Variants in DCDC2C observed in about 807,000 individuals in gnomAD.
DCDC2C encodes doublecortin domain containing 2C, also known as doublecortin domain-containing protein 2C.
A neutral mutation model predicts 45.0 loss-of-function variants in DCDC2C; 44 were observed. The observed-to-expected ratio is 0.98, with a 90% CI of 0.77 to 1.26. The LOEUF is 1.26. Ranked by LOEUF, DCDC2C falls within the 50% of genes most tolerant of loss-of-function variation. The pLI is 0.00. For synonymous variants in DCDC2C, 187 were observed against 178.8 expected, an observed-to-expected ratio of 1.05 and a Z score of -0.37; for missense variants, 447 against 468.9, an observed-to-expected ratio of 0.95 and a Z score of 0.43.
At chr2:3,764,323 A>G (rs1456274817) in intron 6 of DCDC2C, among the ~76,000 whole-genome samples, 1 of 152,234 alleles carries the variant, frequency 6.6e-6, no homozygotes, top group African/African-American at 2.4e-5. Flanking sequence ...CCATGGAATT[A>G]ACATTTTGTT....
chr2:3,777,977 C>T (rs978483122), intron 8 of DCDC2C, among the ~76,000 whole-genome samples: 3 of 151,908 alleles, frequency 2.0e-5, no homozygotes, highest in Non-Finnish European at 2.9e-5. Flanking sequence ...TTTCCCACAC[C>T]GCATCTTCTC....
intron 9 of DCDC2C, among the ~76,000 whole-genome samples, chr2:3,784,145 A>G (rs1216529706): frequency 6.6e-6 from 1 of 152,210 alleles, no homozygotes; most frequent in Non-Finnish European, 1.5e-5. Context: ...AATCAGATTG[A>G]CAATGTCCAG....
At chr2:3,705,941 C>G (rs1172487846) in intron 1 of DCDC2C, among the ~76,000 whole-genome samples, 2 of 152,144 alleles carry the variant, frequency 1.3e-5, no homozygotes, top group African/African-American at 4.8e-5. Context: ...ATCCATGCAT[C>G]TTCACTGCTG....
chr2:3,709,052 A>G (rs1419353052), intron 2 of DCDC2C, among the ~76,000 whole-genome samples: 1 of 152,230 alleles, frequency 6.6e-6, no homozygotes, highest in Non-Finnish European at 1.5e-5. Flanking sequence ...CACCGTTCTT[A>G]TCATTTGATT....
Position 3,754,350 on chromosome 2 carries a change from G to A in DCDC2C, c.684-242G>A, listed in dbSNP as rs73910359. On this transcript the variant is annotated intron_variant, in intron 5 of 10. Transcript: ENST00000399143. ...CAAAGGCAGCAGGTAGACAGGGGCT[G>A]TTTACTGTGGTAGAAGGAGGATGGG... 5.0e-3 allele frequency among the ~76,000 whole-genome samples: 759 copies of A among 152,332 alleles called. 5 individuals carry two copies. Among genetic ancestry groups the A allele is most frequent in the African/African-American group, 0.017 (687 of 41,578 alleles).
intron 10 of DCDC2C, among the ~76,000 whole-genome samples, chr2:3,798,018 G>T (rs1435275477): frequency 6.6e-6 from 1 of 152,026 alleles, no homozygotes; most frequent in African/African-American, 2.4e-5. Flanking sequence ...TCTCTTTGTA[G>T]GTCACTCAGG....
rs1358275026 is a variant in DCDC2C at position 3,818,358 on chromosome 2, T to A, written c.1066-28796T>A. On this transcript the variant is annotated intron_variant, in intron 10 of 10. Transcript: ENST00000399143. This position sits in a 1 kb window ranked among gnomAD's most constrained non-coding sequence, Gnocchi z 4.7. ...GGCTGGGATGAAGGGTGCAAAGGAA[T>A]AGTAAAGAAAGCATATTTGAGATCC... Among the ~76,000 whole-genome samples, 3 of 152,076 alleles carry A rather than the reference T, an allele frequency of 2.0e-5. No individual in the cohort carries two copies. Among genetic ancestry groups the A allele is most frequent in the Non-Finnish European group, 2.9e-5 (2 of 68,026 alleles).
At chr2:3,806,730 G>A (rs935128149) in intron 10 of DCDC2C, among the ~76,000 whole-genome samples, 5 of 151,638 alleles carry the variant, frequency 3.3e-5, no homozygotes, top group African/African-American at 1.2e-4. Flanking sequence ...TGTATTTTTG[G>A]TAGAGATGGG....
intron 6 of DCDC2C, among the ~76,000 whole-genome samples, chr2:3,758,675 G>A (rs966172938): frequency 3.9e-5 from 6 of 152,162 alleles, no homozygotes; most frequent in African/African-American, 1.4e-4. Flanking sequence ...AGGCAACAAG[G>A]GTTTATGATT....
chr2:3,748,352 G>A (rs997386586), intron 4 of DCDC2C, among the ~76,000 whole-genome samples: 1 of 142,304 alleles, frequency 7.0e-6, no homozygotes, highest in East Asian at 2.2e-4. Flanking sequence ...ATGAGTGAGC[G>A]AGAGATGGGG....
intron 10 of DCDC2C, among the ~76,000 whole-genome samples, chr2:3,834,662 A>C (rs1672032008): frequency 6.6e-6 from 1 of 152,202 alleles, no homozygotes; most frequent in Admixed American, 6.5e-5. Context: ...AACTTAACCT[A>C]GTATTTAAGA....
chr2:3,810,082 G>A (rs1363827240), intron 10 of DCDC2C, among the ~76,000 whole-genome samples: 1 of 152,186 alleles, frequency 6.6e-6, no homozygotes, highest in Admixed American at 6.5e-5. Context: ...ATAGTAGAAT[G>A]ACTTATATTC....
At chr2:3,760,970 C>G (rs1010988651) in intron 6 of DCDC2C, among the ~76,000 whole-genome samples, 1 of 152,134 alleles carries the variant, frequency 6.6e-6, no homozygotes, top group African/African-American at 2.4e-5. Flanking sequence ...TCACTTATTG[C>G]TTGATTCAAA....
chr2:3,800,508 A>G (rs1176442428), intron 10 of DCDC2C, among the ~76,000 whole-genome samples: 1 of 152,216 alleles, frequency 6.6e-6, no homozygotes, highest in African/African-American at 2.4e-5. Context: ...CAGCCCCCCA[A>G]GAATTAGCAA....
At chr2:3,762,162 C>CTTTTTTTTTTTTTT (rs56067833) in intron 6 of DCDC2C, among the ~76,000 whole-genome samples, 1 of 127,668 alleles carries the variant, frequency 7.8e-6, no homozygotes, top group Non-Finnish European at 1.6e-5. Context: ...TTGCTTGAAC[C>CTTTTTTTTTTTTTT]TTTTTTTTTT....
chr2:3,778,938 T>TTTGGTGG, intron 9 of DCDC2C, 54 bp downstream of exon 9: 1 of 1,489,998 alleles, frequency 6.7e-7, no homozygotes, highest in Non-Finnish European at 9.1e-7. Flanking sequence ...ACCTGACACT[T>TTTGGTGG]TGAACAGAGC....
At chr2:3,749,365 C>T (rs1282315632) in intron 4 of DCDC2C, among the ~76,000 whole-genome samples, 1 of 152,196 alleles carries the variant, frequency 6.6e-6, no homozygotes, top group Non-Finnish European at 1.5e-5. Context: ...TCTGGCTATT[C>T]ATTTCCATGA....
At chr2:3,762,008 C>T (rs1378751826) in intron 6 of DCDC2C, among the ~76,000 whole-genome samples, 3 of 152,070 alleles carry the variant, frequency 2.0e-5, no homozygotes, top group Non-Finnish European at 2.9e-5. Flanking sequence ...AATTGAGAAG[C>T]GGTACCTGTC....
intron 3 of DCDC2C, 71 bp from the exon 4 acceptor site, chr2:3,741,849 T>C (rs1462479437): frequency 7.0e-7 from 1 of 1,428,176 alleles, no homozygotes; most frequent in Non-Finnish European, 9.4e-7. Context: ...TAATTGTATA[T>C]ATATTGAATT....
Sources: allele counts gnomAD v4.1 joint callset (sites outside exome capture counted in the v4.1 genomes callset), GRCh38; gene constraint gnomAD v4.1.1; non-coding constraint Gnocchi (gnomAD v3.1); transcripts MANE v1.5; gene names NCBI Gene and HGNC (gene_info 2026-07-23, HGNC 2026-07-21).